PKIB: variants seen among roughly 807,000 people sequenced by gnomAD.
PKIB encodes the protein PKI-beta.
Under a neutral mutation model 4.5 loss-of-function variants are expected in PKIB, and 2 were observed. That is an observed-to-expected ratio of 0.44 (90% CI 0.18 to 1.39). The LOEUF (loss-of-function observed/expected upper bound fraction) is 1.39. Ranked by LOEUF, PKIB falls within the 40% of genes most tolerant of loss-of-function variation. The pLI is 0.27. For missense variants in PKIB, 94 were observed against 92.6 expected (o/e 1.02, Z -0.06); for synonymous variants, 38 against 36.0 (o/e 1.06, Z -0.20).
intron 2 of PKIB, among the ~76,000 whole-genome samples, chr6:122,530,059 C>T (rs1251111627): frequency 6.6e-6 from 1 of 151,964 alleles, no homozygotes; most frequent in Middle Eastern, 3.2e-3. Flanking sequence ...CTAGTATTCT[C>T]ATATGTATAT....
chr6:122,587,592 G>T (rs912072906), intron 3 of PKIB, among the ~76,000 whole-genome samples: 3 of 152,192 alleles, frequency 2.0e-5, no homozygotes, highest in Non-Finnish European at 4.4e-5. Flanking sequence ...GATCCCTGAG[G>T]AATTGTCACA....
chr6:122,644,851 G>A (rs1297642785), intron 2 of PKIB: 1 of 152,080 alleles, frequency 6.6e-6, no homozygotes, highest in Non-Finnish European at 1.5e-5. Flanking sequence ...TTAAATCAAG[G>A]CACATTTGCA....
At chr6:122,655,751 G>A (rs1330418016) in intron 2 of PKIB, among the ~76,000 whole-genome samples, 1 of 152,062 alleles carries the variant, frequency 6.6e-6, no homozygotes, top group Non-Finnish European at 1.5e-5. Flanking sequence ...TATTGATAAT[G>A]CTCATAAAAA....
chr6:122,699,092 C>T (rs1413928553), intron 3 of PKIB, among the ~76,000 whole-genome samples: 5 of 152,024 alleles, frequency 3.3e-5, no homozygotes, highest in African/African-American at 1.2e-4. Context: ...TCATTAAGAT[C>T]CTGCCTGCAA....
At chr6:122,687,222 C>T (rs1403662974) in intron 3 of PKIB, among the ~76,000 whole-genome samples, 1 of 152,128 alleles carries the variant, frequency 6.6e-6, no homozygotes, top group East Asian at 1.9e-4. Flanking sequence ...ATTGAAGAGA[C>T]TATCTTTTCC....
chr6:122,518,891 T>C (rs1200006718), intron 2 of PKIB, among the ~76,000 whole-genome samples: 1 of 152,226 alleles, frequency 6.6e-6, no homozygotes, highest in Non-Finnish European at 1.5e-5. Flanking sequence ...AGACGCAGAC[T>C]GAGCACCACA....
intron 2 of PKIB, among the ~76,000 whole-genome samples, chr6:122,636,592 T>C (rs1049402251): frequency 1.3e-5 from 2 of 152,128 alleles, no homozygotes; most frequent in Non-Finnish European, 2.9e-5. Context: ...AGGTTTATAT[T>C]GTATTCTTGG....
chr6:122,585,236 A>G (rs1330207340), intron 2 of PKIB, among the ~76,000 whole-genome samples: 1 of 152,180 alleles, frequency 6.6e-6, no homozygotes, highest in East Asian at 1.9e-4. Context: ...AGCAAAGCCA[A>G]GAACCCTCCT....
At chr6:122,511,471 G>C (rs1005193197) in intron 2 of PKIB, among the ~76,000 whole-genome samples, 2 of 152,116 alleles carry the variant, frequency 1.3e-5, no homozygotes, top group Non-Finnish European at 2.9e-5. Flanking sequence ...GGAGTCCTTT[G>C]TCCATCGGTC....
chr6:122,650,191 C>T (rs1287225977), intron 2 of PKIB, among the ~76,000 whole-genome samples: 1 of 152,044 alleles, frequency 6.6e-6, no homozygotes, highest in African/African-American at 2.4e-5. Flanking sequence ...CTAACATGCC[C>T]CATACTACTA....
intron 3 of PKIB, among the ~76,000 whole-genome samples, chr6:122,679,897 G>A (rs1777828189): frequency 6.6e-6 from 1 of 152,168 alleles, no homozygotes; most frequent in Admixed American, 6.5e-5. Context: ...GAGCTTAAGT[G>A]CCTTGTATAA....
At chr6:122,613,672 A>G (rs1774856909) in intron 1 of PKIB, among the ~76,000 whole-genome samples, 1 of 152,180 alleles carries the variant, frequency 6.6e-6, no homozygotes, top group Admixed American at 6.5e-5. Context: ...TATTAGAAGT[A>G]CAACTGGTTT....
chr6:122,662,306 TC>T (rs1777028889), intron 2 of PKIB, among the ~76,000 whole-genome samples: 1 of 129,124 alleles, frequency 7.7e-6, no homozygotes, highest in African/African-American at 2.9e-5. Flanking sequence ...TTTCCTTGTC[TC>T]CTTTTTTTTT....
chr6:122,529,541 A>G (rs777283866), intron 2 of PKIB, among the ~76,000 whole-genome samples: 1 of 152,172 alleles, frequency 6.6e-6, no homozygotes, highest in Non-Finnish European at 1.5e-5. Flanking sequence ...ATCGTGTCAA[A>G]TGGCTGTCTA....
At chr6:122,638,403 A>G (rs907451367) in intron 2 of PKIB, among the ~76,000 whole-genome samples, 2 of 152,190 alleles carry the variant, frequency 1.3e-5, no homozygotes, top group African/African-American at 2.4e-5. Flanking sequence ...TAACCAGTGT[A>G]CCCGTGAACT....
intron 2 of PKIB, among the ~76,000 whole-genome samples, chr6:122,562,616 C>T (rs565507323): frequency 2.0e-5 from 3 of 152,154 alleles, no homozygotes; most frequent in Non-Finnish European, 2.9e-5. Context: ...GGTCATTTAA[C>T]GTAATCCCAG....
chr6:122,491,816 T>G (rs1373214199), intron 2 of PKIB, among the ~76,000 whole-genome samples: 1 of 152,252 alleles, frequency 6.6e-6, no homozygotes, highest in Non-Finnish European at 1.5e-5. Context: ...TCATTATTTC[T>G]GTACCTTGTT....
At chr6:122,597,721 G>T (rs1774223020) in intron 3 of PKIB, among the ~76,000 whole-genome samples, 2 of 152,080 alleles carry the variant, frequency 1.3e-5, no homozygotes, top group Admixed American at 1.3e-4. Context: ...GTTTCCATTT[G>T]GCCTTTCCCA....
intron 2 of PKIB, among the ~76,000 whole-genome samples, chr6:122,527,323 T>C (rs1461777797): frequency 6.6e-6 from 1 of 152,106 alleles, no homozygotes; most frequent in Non-Finnish European, 1.5e-5. Flanking sequence ...TTTTTTTTTG[T>C]TTTTGCATTC....
Sources: gnomAD v4.1 joint callset for allele counts (sites outside exome capture counted in the v4.1 genomes callset) on GRCh38, gnomAD v4.1.1 for gene constraint, MANE v1.5 for transcripts, NCBI Gene and HGNC (gene_info 2026-07-23, HGNC 2026-07-21) for gene names.